Variants in CTNNA3 observed in about 807,000 individuals in gnomAD.
CTNNA3 encodes catenin alpha 3.
CTNNA3 carries 76 observed loss-of-function variants against 95.7 expected under a neutral mutation model. The ratio of observed to expected loss-of-function variants is 0.79; its 90% CI spans 0.66 to 0.96. The LOEUF is 0.96. Among genes scored for constraint, CTNNA3 ranks in the 40% least tolerant of loss-of-function variants. The pLI, the probability that CTNNA3 is intolerant of heterozygous loss-of-function variation, is 0.00. For synonymous variants in CTNNA3, 431 were observed against 374.4 expected, an observed-to-expected ratio of 1.15 and a Z score of -1.74; for missense variants, 1,191 against 1,089.8, an observed-to-expected ratio of 1.09 and a Z score of -1.31.
intron 9 of CTNNA3, among the ~76,000 whole-genome samples, chr10:66,651,462 G>T (rs562552176): frequency 7.0e-6 from 1 of 143,524 alleles, no homozygotes; most frequent in Non-Finnish European, 1.5e-5. Context: ...ACCAAGTGCC[G>T]CACTCCTCAG....
intron 14 of CTNNA3, among the ~76,000 whole-genome samples, chr10:66,096,817 C>T (rs1311118247): frequency 2.6e-5 from 4 of 151,992 alleles, no homozygotes; most frequent in Non-Finnish European, 4.4e-5. Context: ...AGTCACTGCG[C>T]CTGGCAGAAA....
At chr10:67,065,704 GT>G (rs1856032548) in intron 7 of CTNNA3, among the ~76,000 whole-genome samples, 1 of 151,970 alleles carries the variant, frequency 6.6e-6, no homozygotes, top group South Asian at 2.1e-4. Context: ...GAACTCCAAG[GT>G]CCTAGATAAA....
intron 9 of CTNNA3, among the ~76,000 whole-genome samples, chr10:66,693,467 C>A (rs1258500507): frequency 2.0e-5 from 3 of 150,544 alleles, no homozygotes; most frequent in Non-Finnish European, 2.9e-5. Context: ...AAAGCAAGTC[C>A]TGAGTGACCT....
intron 5 of CTNNA3, among the ~76,000 whole-genome samples, chr10:67,258,903 T>C (rs904337381): frequency 1.8e-4 from 27 of 152,238 alleles, no homozygotes; most frequent in African/African-American, 7.2e-5. Context: ...AAGTCTCTTA[T>C]ATAAAATAGC....
chr10:66,108,942 T>C (rs1051554608), intron 13 of CTNNA3, among the ~76,000 whole-genome samples: 1 of 152,220 alleles, frequency 6.6e-6, no homozygotes, highest in Admixed American at 6.5e-5. Flanking sequence ...AAAAAAATCC[T>C]ATGGAAACTA....
At chr10:67,420,902 A>T (rs1845726903) in intron 5 of CTNNA3, among the ~76,000 whole-genome samples, 1 of 152,180 alleles carries the variant, frequency 6.6e-6, no homozygotes, top group South Asian at 2.1e-4. Context: ...GTCTTTTATC[A>T]AACTTAATAG....
At chr10:66,817,685 A>C (rs193064768) in intron 7 of CTNNA3, among the ~76,000 whole-genome samples, 21 of 152,162 alleles carry the variant, frequency 1.4e-4, no homozygotes, top group East Asian at 1.9e-4. Context: ...AAATCTCAGG[A>C]TCAGATAAAT....
In CTNNA3 at chr10:66,172,762, G is replaced by A. The variant is rs77679449; in HGVS notation, c.1885-69513C>T. Among the ~76,000 whole-genome samples the A allele has an allele frequency of 6.6e-3, 1,008 of 152,258 alleles. 21 individuals carry two copies. Among genetic ancestry groups the A allele is most frequent in the African/African-American group, 0.023 (940 of 41,560 alleles). On this transcript the variant is annotated intron_variant, in intron 13 of 17. Coordinates refer to ENST00000433211, the MANE Select transcript of CTNNA3 (RefSeq NM_013266.4). ...AACCCTGGAGCCTGTGTTGCAGCTA[G>A]CTTGTCCTCACATTCATATCTAAAC...
intron 1 of CTNNA3, among the ~76,000 whole-genome samples, chr10:67,711,862 C>T (rs969214727): frequency 6.6e-6 from 1 of 151,222 alleles, no homozygotes; most frequent in African/African-American, 2.4e-5. Context: ...CGATAGTTTA[C>T]TGAGAATGAT....
In CTNNA3 at chr10:66,758,132, C is replaced by T. The variant is rs140887209; in HGVS notation, c.1281+8132G>A. ...TGGTTAACTAGCCTCTTCCATTCAC[C>T]ATCAAATTACCTACATGTATGAAAC... On this transcript the variant is annotated intron_variant, in intron 9 of 17. Transcript: ENST00000433211. Among the ~76,000 whole-genome samples the T allele has an allele frequency of 1.9e-3, 295 of 152,182 alleles. 5 individuals carry two copies. Among genetic ancestry groups the T allele is most frequent in the African/African-American group, 6.8e-3 (282 of 41,522 alleles).
intron 5 of CTNNA3, among the ~76,000 whole-genome samples, chr10:67,383,668 C>T (rs922295414): frequency 7.9e-5 from 12 of 151,000 alleles, no homozygotes; most frequent in Admixed American, 7.9e-4. Context: ...CTATGCTAGG[C>T]ATATCTTGGA....
intron 10 of CTNNA3, among the ~76,000 whole-genome samples, chr10:66,542,138 A>G (rs1841876100): frequency 6.6e-6 from 1 of 152,194 alleles, no homozygotes; most frequent in Non-Finnish European, 1.5e-5. Context: ...ACATGAAAAA[A>G]TGCTCATCAT....
chr10:66,765,218 C>T lies in CTNNA3; in HGVS notation c.1281+1046G>A, dbSNP rs375179366. Among the ~76,000 whole-genome samples the T allele has an allele frequency of 6.6e-5, 10 of 152,228 alleles. No homozygotes were observed. In the East Asian group the frequency reaches 1.4e-3, roughly 21 times the overall value. On this transcript the variant is annotated intron_variant, in intron 9 of 17. Transcript: ENST00000433211. ...TGGAAACCTCCTCCCCGTGGATCCA[C>T]GTTAAAGATGTTAGGAAAGTTCTCT... is the stretch of plus-strand genomic sequence containing the variant.
At chr10:66,506,473 A>G (rs936548791) in intron 11 of CTNNA3, among the ~76,000 whole-genome samples, 2 of 152,004 alleles carry the variant, frequency 1.3e-5, no homozygotes, top group East Asian at 3.9e-4. Flanking sequence ...GGCTTTTCCA[A>G]TTTTCTAAAG....
At chr10:67,731,445 C>T (rs983464955) in intron 1 of CTNNA3, among the ~76,000 whole-genome samples, 3 of 152,082 alleles carry the variant, frequency 2.0e-5, no homozygotes, top group Non-Finnish European at 4.4e-5. Context: ...CGCACCACTG[C>T]ACTCCAGCCT....
intron 17 of CTNNA3, among the ~76,000 whole-genome samples, chr10:65,954,372 C>G (rs1245102271): frequency 6.6e-6 from 1 of 152,186 alleles, no homozygotes; most frequent in African/African-American, 2.4e-5. Context: ...TTTTGCTGTG[C>G]AGAAGCTCTT....
At chr10:66,651,802 C>T (rs2132415792) in intron 9 of CTNNA3, among the ~76,000 whole-genome samples, 1 of 152,010 alleles carries the variant, frequency 6.6e-6, no homozygotes, top group South Asian at 2.1e-4. Context: ...CCCGCATTGG[C>T]CGGTTCCCAC....
intron 5 of CTNNA3, among the ~76,000 whole-genome samples, chr10:67,309,272 A>G (rs1383448263): frequency 6.6e-6 from 1 of 152,156 alleles, no homozygotes; most frequent in Non-Finnish European, 1.5e-5. Context: ...AAATTTACCA[A>G]GTAAAAAAAT....
At chr10:67,147,570 A>G (rs764269329) in intron 7 of CTNNA3, among the ~76,000 whole-genome samples, 9 of 152,242 alleles carry the variant, frequency 5.9e-5, no homozygotes, top group African/African-American at 2.2e-4. Flanking sequence ...CTTTAAGAAT[A>G]AACTGAGATA....
Sources: allele counts gnomAD v4.1 joint callset (sites outside exome capture counted in the v4.1 genomes callset), GRCh38; gene constraint gnomAD v4.1.1; transcripts MANE v1.5; gene names NCBI Gene and HGNC (gene_info 2026-07-23, HGNC 2026-07-21).